IL1RAP: variants seen among roughly 807,000 people sequenced by gnomAD.
IL1RAP encodes interleukin-1 receptor accessory protein.
In IL1RAP, 35 loss-of-function variants were observed where a neutral mutation model predicts 60.7. The ratio of observed to expected loss-of-function variants is 0.58; its 90% CI spans 0.44 to 0.76. The LOEUF (loss-of-function observed/expected upper bound fraction) is 0.76, where lower values mean the gene tolerates loss of function less well. IL1RAP is among the 30% of genes least tolerant of loss of function. IL1RAP has a pLI of 0.00. For missense variants in IL1RAP, 572 were observed against 693.9 expected (o/e 0.82, Z 1.97); for synonymous variants, 268 against 250.9 (o/e 1.07, Z -0.64).
chr3:190,655,029 G>C (rs80172120), downstream of IL1RAP, among the ~76,000 whole-genome samples: 1,640 of 151,872 alleles, frequency 0.011, 30 homozygotes, highest in African/African-American at 0.038. Flanking sequence ...TTCACACACA[G>C]ACGCACACAC....
rs927526210 is a variant in IL1RAP at position 190,649,521 on chromosome 3, C to T, written c.*816C>T. ...GTCTGAAAGAAATCTCCTAATGGTGCTATAGAGAGGGAGGTAACAGAAAGA... is the reference window on the plus strand; with the variant it reads ...GTCTGAAAGAAATCTCCTAATGGTGTTATAGAGAGGGAGGTAACAGAAAGA... On this transcript the variant is annotated 3_prime_UTR_variant, in exon 12 of 12. Coordinates refer to ENST00000447382, the MANE Select transcript of IL1RAP (RefSeq NM_002182.4). 2.0e-6 allele frequency: 2 copies of T among 985,612 alleles called. No individual in the cohort carries two copies. The highest frequency in any genetic ancestry group is 2.4e-6 in the Non-Finnish European group (2 of 829,916). 61.1% of individuals were successfully genotyped at this position (985,612 alleles called of 1,614,324 possible).
Position 190,649,727 on chromosome 3 carries a change from G to T in IL1RAP, c.*1022G>T, listed in dbSNP as rs566711565. The T allele has an allele frequency of 4.1e-6, 4 of 985,574 alleles. No individual in the cohort carries two copies. Among genetic ancestry groups the T allele is most frequent in the Admixed American group, 6.2e-5 (1 of 16,258 alleles). The allele number at this position is 985,574 out of a possible 1,614,324, so 61.1% of individuals were successfully genotyped here. On this transcript the variant is annotated 3_prime_UTR_variant, in exon 12 of 12. Coordinates refer to ENST00000447382, the MANE Select transcript of IL1RAP (RefSeq NM_002182.4). ...TTAGTGGCCTTGAGAGTTGCTTTTG[G>T]CATTAATATTCTAAGAGAATTAACT...
intron 1 of IL1RAP, among the ~76,000 whole-genome samples, chr3:190,538,723 T>C (rs190733923): frequency 1.3e-5 from 2 of 152,256 alleles, no homozygotes; most frequent in East Asian, 1.9e-4. Context: ...CATCTTGTAG[T>C]TCCCATAATC....
At chr3:190,515,772 C>G (rs1419587125) in intron 1 of IL1RAP, among the ~76,000 whole-genome samples, 1 of 151,354 alleles carries the variant, frequency 6.6e-6, no homozygotes, top group Non-Finnish European at 1.5e-5. Context: ...GCCTTCTATC[C>G]TTGCTCTCTT....
chr3:190,608,902 A>G, intron 4 of IL1RAP, 93 bp from the exon 5 acceptor site: 1 of 912,540 alleles, frequency 1.1e-6, no homozygotes, highest in Non-Finnish European at 1.7e-6. Flanking sequence ...ATGTCTCCGT[A>G]TGTAGCCTGG....
chr3:190,656,827 G>A (rs1476349485), exon 12 of IL1RAP: 5 of 440,724 alleles, frequency 1.1e-5, no homozygotes, highest in African/African-American at 1.0e-4. Flanking sequence ...CTCTTCTTGG[G>A]CCCTAGAAGG....
At chr3:190,551,731 G>A (rs964618815) in intron 1 of IL1RAP, among the ~76,000 whole-genome samples, 4 of 152,062 alleles carry the variant, frequency 2.6e-5, no homozygotes, top group African/African-American at 9.7e-5. Context: ...AAGTTCTATA[G>A]CTCATTATAA....
At chr3:190,516,571 C>T (rs1450971819) in intron 1 of IL1RAP, among the ~76,000 whole-genome samples, 1 of 152,066 alleles carries the variant, frequency 6.6e-6, no homozygotes, top group Admixed American at 6.6e-5. Flanking sequence ...CACAATAGCC[C>T]TGGGAGGACA....
intron 2 of IL1RAP, among the ~76,000 whole-genome samples, chr3:190,557,813 T>C (rs1725553754): frequency 6.6e-6 from 1 of 152,210 alleles, no homozygotes. Context: ...CACTGTAACA[T>C]TAACTTTTTT....
At chr3:190,655,766 G>A, downstream of IL1RAP, 4 of 677,704 alleles carry the variant, frequency 5.9e-6, no homozygotes, top group Non-Finnish European at 7.2e-6. Flanking sequence ...AAATTATTCA[G>A]CACTGAGATT....
chr3:190,639,446 T>C (rs918530586), intron 9 of IL1RAP, among the ~76,000 whole-genome samples: 1 of 152,224 alleles, frequency 6.6e-6, no homozygotes. Context: ...TTTTAGCTTT[T>C]GAATTTCCAT....
intron 1 of IL1RAP, among the ~76,000 whole-genome samples, chr3:190,551,679 T>C (rs1031179252): frequency 6.6e-6 from 1 of 152,180 alleles, no homozygotes; most frequent in Admixed American, 6.5e-5. Context: ...ACTGTTACAA[T>C]CTCCAAAGTT....
At chr3:190,556,783 T>G (rs1450697136) in intron 2 of IL1RAP, among the ~76,000 whole-genome samples, 21 of 152,212 alleles carry the variant, frequency 1.4e-4, no homozygotes, top group Admixed American at 1.4e-3. Flanking sequence ...TAGTGGTAGC[T>G]CACATTGTCT....
chr3:190,515,734 G>A (rs7630034), intron 1 of IL1RAP, among the ~76,000 whole-genome samples: 37,437 of 151,588 alleles, frequency 0.25, 5,102 homozygotes, highest in Middle Eastern at 0.38. Flanking sequence ...AAAGTTGGAA[G>A]TTGCAGCTGT....
chr3:190,522,453 ATC>A (rs1560136091), intron 1 of IL1RAP, among the ~76,000 whole-genome samples: 15 of 148,344 alleles, frequency 1.0e-4, no homozygotes, highest in African/African-American at 3.3e-4. Flanking sequence ...CTATCTATCT[ATC>A]TATCTATCTC....
chr3:190,651,211 G>A lies in IL1RAP; in HGVS notation c.*2506G>A, dbSNP rs577913964. The A allele has an allele frequency of 1.3e-4, 126 of 980,878 alleles. No homozygotes were observed. In the South Asian group the frequency reaches 5.2e-3, roughly 40 times the overall value. The allele number at this position is 980,878 out of a possible 1,614,324, so 60.8% of individuals were successfully genotyped here. A position where few individuals can be genotyped will look rare whatever the true frequency, so the allele number is the denominator to read the frequency against. ...GGTTTTAAATATATGCTATAGGGAC[G>A]TTCCATGCCCAGGTTAACAAAGAAC... On this transcript the variant is annotated 3_prime_UTR_variant, in exon 12 of 12. Coordinates refer to ENST00000447382, the MANE Select transcript of IL1RAP (RefSeq NM_002182.4).
At chr3:190,646,015 C>G (rs1356900975) in intron 11 of IL1RAP, among the ~76,000 whole-genome samples, 173 bp downstream of exon 11, 1 of 152,184 alleles carries the variant, frequency 6.6e-6, no homozygotes, top group East Asian at 1.9e-4. Flanking sequence ...GTATACTATT[C>G]AACTCAGTTT....
chr3:190,595,517 T>C (rs1380442879), intron 3 of IL1RAP, among the ~76,000 whole-genome samples: 3 of 152,210 alleles, frequency 2.0e-5, no homozygotes, highest in Non-Finnish European at 4.4e-5. Context: ...CAGGTTAATA[T>C]TTCCTGAGGA....
intron 7 of IL1RAP, 24 bp from the exon 8 acceptor site, chr3:190,627,291 GTTTTTTTT>G (rs1732384367): frequency 6.9e-7 from 1 of 1,456,504 alleles, no homozygotes; most frequent in African/African-American, 2.0e-5. Flanking sequence ...TTTGTTTTTT[GTTTTTTTT>G]GTTTTTTTGG....
Sources: gnomAD v4.1 joint callset for allele counts (sites outside exome capture counted in the v4.1 genomes callset) on GRCh38, gnomAD v4.1.1 for gene constraint, MANE v1.5 for transcripts, NCBI Gene and HGNC (gene_info 2026-07-23, HGNC 2026-07-21) for gene names.